The following ELP4 variants were observed in gnomAD, a reference collection of about 807,000 sequenced individuals.
ELP4 encodes the protein elongator complex protein 4.
In ELP4, 51 loss-of-function variants were observed where a neutral mutation model predicts 48.9. That is an observed-to-expected ratio of 1.04 (90% CI 0.83 to 1.32). The LOEUF is 1.32. ELP4 is among the 40% of genes most tolerant of loss of function. ELP4 has a pLI of 0.00. For synonymous variants in ELP4, 210 were observed against 189.2 expected, an observed-to-expected ratio of 1.11 and a Z score of -0.90; for missense variants, 519 against 514.6, an observed-to-expected ratio of 1.01 and a Z score of -0.08.
chr11:31,769,233 T>C (rs1363876289), intron 9 of ELP4, among the ~76,000 whole-genome samples: 5 of 152,134 alleles, frequency 3.3e-5, no homozygotes, highest in Non-Finnish European at 2.9e-5. Context: ...GAGCACTTCA[T>C]ACCCCATCTC....
intron 3 of ELP4, among the ~76,000 whole-genome samples, chr11:31,575,858 A>G (rs1957266561): frequency 6.6e-6 from 1 of 152,196 alleles, no homozygotes; most frequent in Non-Finnish European, 1.5e-5. Context: ...AAAGACCACC[A>G]ATGCTAGGAA....
chr11:31,512,296 C>T (rs948504666), intron 1 of ELP4: 3 of 151,912 alleles, frequency 2.0e-5, no homozygotes, highest in Non-Finnish European at 2.9e-5. Context: ...TTATAGCTTC[C>T]GTGTAGTACG....
intron 3 of ELP4, among the ~76,000 whole-genome samples, chr11:31,588,152 G>A (rs1405847446): frequency 6.6e-6 from 1 of 151,860 alleles, no homozygotes; most frequent in East Asian, 1.9e-4. Context: ...TTATTTTCCA[G>A]ATCTTTCCAT....
At chr11:31,544,216 C>T (rs530514083) in intron 3 of ELP4, among the ~76,000 whole-genome samples, 29 of 152,364 alleles carry the variant, frequency 1.9e-4, no homozygotes, top group East Asian at 1.5e-3. Context: ...ACTCGGGAAG[C>T]GCAAAGGGTC....
At chr11:31,569,725 CA>C (rs1001277470) in intron 3 of ELP4, among the ~76,000 whole-genome samples, 1 of 151,478 alleles carries the variant, frequency 6.6e-6, no homozygotes, top group African/African-American at 2.4e-5. Flanking sequence ...GACTCTGTCT[CA>C]AAAAAAGGAA....
chr11:31,755,788 C>T, intron 9 of ELP4, among the ~76,000 whole-genome samples: 1 of 151,580 alleles, frequency 6.6e-6, no homozygotes, highest in East Asian at 1.9e-4. Context: ...AAAATAATAC[C>T]TGTAGCTTAG....
At chr11:31,777,235 A>G (rs1948268191) in intron 9 of ELP4, among the ~76,000 whole-genome samples, 1 of 152,140 alleles carries the variant, frequency 6.6e-6, no homozygotes, top group Admixed American at 6.5e-5. Flanking sequence ...TAGCCATACT[A>G]TGATGGTGAA....
At chr11:31,722,561 G>T (rs1946986761) in intron 9 of ELP4, among the ~76,000 whole-genome samples, 1 of 152,030 alleles carries the variant, frequency 6.6e-6, no homozygotes, top group Non-Finnish European at 1.5e-5. Flanking sequence ...AGTTTTCAGG[G>T]CCCAGTGAAA....
chr11:31,534,854 A>G (rs1252491547), intron 2 of ELP4, among the ~76,000 whole-genome samples: 1 of 152,202 alleles, frequency 6.6e-6, no homozygotes, highest in African/African-American at 2.4e-5. Flanking sequence ...GGTAAAATCA[A>G]TTATTTTTTA....
At chr11:31,671,732 A>G (rs1317028871) in intron 9 of ELP4, among the ~76,000 whole-genome samples, 1 of 152,200 alleles carries the variant, frequency 6.6e-6, no homozygotes, top group Non-Finnish European at 1.5e-5. Context: ...AACAACCTTT[A>G]TAATGGCACA....
At chr11:31,584,692 T>G (rs1957446171) in intron 3 of ELP4, among the ~76,000 whole-genome samples, 1 of 152,098 alleles carries the variant, frequency 6.6e-6, no homozygotes, top group South Asian at 2.1e-4. Context: ...TTTTTGTATT[T>G]TTTTGTATTT....
At chr11:31,756,486 C>T (rs2134246854) in intron 9 of ELP4, among the ~76,000 whole-genome samples, 1 of 152,244 alleles carries the variant, frequency 6.6e-6, no homozygotes, top group African/African-American at 2.4e-5. Flanking sequence ...TCCCATCTAA[C>T]TCTAACTTGC....
chr11:31,675,644 A>G (rs913861819), intron 9 of ELP4, among the ~76,000 whole-genome samples: 8 of 152,164 alleles, frequency 5.3e-5, no homozygotes, highest in African/African-American at 2.4e-5. Flanking sequence ...CAAATGCTAT[A>G]CATGGTTTCT....
chr11:31,755,098 A>C (rs1392722099), intron 9 of ELP4, among the ~76,000 whole-genome samples: 2 of 152,212 alleles, frequency 1.3e-5, no homozygotes, highest in East Asian at 3.8e-4. Context: ...GGATGGGGAC[A>C]TGTCAGAAAA....
chr11:31,548,429 G>A (rs1297874980), intron 3 of ELP4, among the ~76,000 whole-genome samples: 1 of 151,194 alleles, frequency 6.6e-6, no homozygotes, highest in African/African-American at 2.4e-5. Context: ...AACTTACAAG[G>A]GATGTGAAGG....
chr11:31,674,551 G>A (rs1195659935), intron 9 of ELP4, among the ~76,000 whole-genome samples: 1 of 152,196 alleles, frequency 6.6e-6, no homozygotes, highest in Non-Finnish European at 1.5e-5. Flanking sequence ...TATTTGGAAA[G>A]CTGTGTTAAA....
chr11:31,512,689 G>T (rs1225808834), intron 1 of ELP4: 2 of 152,160 alleles, frequency 1.3e-5, no homozygotes, highest in African/African-American at 4.8e-5. Context: ...AGGAAAGATA[G>T]ATATTCCATC....
intron 5 of ELP4, among the ~76,000 whole-genome samples, chr11:31,615,754 C>A (rs1944467155): frequency 2.0e-5 from 3 of 152,088 alleles, no homozygotes; most frequent in Middle Eastern, 6.8e-3. Flanking sequence ...GATTTGATAA[C>A]ATATTGTCCT....
chr11:31,533,069 C>A (rs774315055), intron 2 of ELP4, among the ~76,000 whole-genome samples: 8 of 152,020 alleles, frequency 5.3e-5, no homozygotes, highest in Non-Finnish European at 1.2e-4. Context: ...AGCCACTGTG[C>A]CCGGCCACAA....
Sources: gnomAD v4.1 joint callset for allele counts (sites outside exome capture counted in the v4.1 genomes callset) on GRCh38, gnomAD v4.1.1 for gene constraint, MANE v1.5 for transcripts, NCBI Gene and HGNC (gene_info 2026-07-23, HGNC 2026-07-21) for gene names.